The following SDSL variants were observed in gnomAD, a reference collection of about 807,000 sequenced individuals.
SDSL encodes the protein serine dehydratase-like.
Under a neutral mutation model 27.6 loss-of-function variants are expected in SDSL, and 26 were observed. The ratio of observed to expected loss-of-function variants is 0.94; its 90% CI spans 0.69 to 1.31. SDSL has a LOEUF of 1.31. Ranked by LOEUF, SDSL falls within the 50% of genes most tolerant of loss-of-function variation. SDSL has a pLI of 0.00. For missense variants in SDSL, 431 were observed against 423.5 expected (o/e 1.02, Z -0.16); for synonymous variants, 196 against 180.6 (o/e 1.09, Z -0.69).
Position 113,425,551 on chromosome 12 carries a change from C to T in SDSL, c.-21-2411C>T, listed in dbSNP as rs146449757. 318 of 412,120 alleles carry T rather than the reference C, an allele frequency of 7.7e-4. 4 individuals are homozygous for T. The East Asian group carries it at 0.019, about 24-fold the overall frequency. The allele number at this position is 412,120 out of a possible 1,614,324, so 25.5% of individuals were successfully genotyped here. A position where few individuals can be genotyped will look rare whatever the true frequency, so the allele number is the denominator to read the frequency against. ...CGGCCAATAATGGAATGGTGGGGACCGGCCCAGTGCTTTTCTGCCTGGGAC... is the reference window on the plus strand; with the variant it reads ...CGGCCAATAATGGAATGGTGGGGACTGGCCCAGTGCTTTTCTGCCTGGGAC... On this transcript the variant is annotated intron_variant, in intron 1 of 7. Coordinates refer to ENST00000403593, the MANE Select transcript of SDSL (RefSeq NM_001304993.2).
intron 4 of SDSL, among the ~76,000 whole-genome samples, chr12:113,433,452 CG>C (rs1565879598): frequency 6.6e-6 from 1 of 152,164 alleles, no homozygotes; most frequent in African/African-American, 2.4e-5. Context: ...CTCCCAAAAG[CG>C]GTCCCTGAAA....
At chr12:113,434,080 C>A in intron 4 of SDSL, 54 bp from the exon 5 acceptor site, 1 of 1,456,826 alleles carries the variant, frequency 6.9e-7, no homozygotes, top group Non-Finnish European at 9.5e-7. Context: ...TCTGCTCCGG[C>A]CTCCATAGCA....
chr12:113,422,931 C>G (rs1957808657), intron 1 of SDSL: 1 of 152,344 alleles, frequency 6.6e-6, no homozygotes, highest in African/African-American at 2.4e-5. Context: ...GTTGGCATGA[C>G]TGGGACCTGA....
At chr12:113,424,774 T>C (rs1175512478) in intron 1 of SDSL, among the ~76,000 whole-genome samples, 1 of 151,918 alleles carries the variant, frequency 6.6e-6, no homozygotes. Context: ...CTCACTCTGT[T>C]GCCCAGGCTG....
chr12:113,435,662 CCTTGG>C, intron 6 of SDSL, 106 bp downstream of exon 6: 1 of 925,432 alleles, frequency 1.1e-6, no homozygotes, highest in Admixed American at 2.4e-5. Flanking sequence ...AAAAGGCTGT[CCTTGG>C]TCCTGGGACT....
At chr12:113,424,287 G>T (rs1483427630) in intron 1 of SDSL, among the ~76,000 whole-genome samples, 1 of 152,188 alleles carries the variant, frequency 6.6e-6, no homozygotes, top group African/African-American at 2.4e-5. Flanking sequence ...CTCACAAAGT[G>T]CTGGGATTAC....
chr12:113,438,250 C>T lies in SDSL; in HGVS notation c.*171C>T. ...TGCTTCTTTTGGCTCTCCGACAACT[C>T]CGGCCAATAAACACTTTCTGAATTG... On this transcript the variant is annotated 3_prime_UTR_variant, in exon 8 of 8. Transcript: ENST00000403593. 1 of 532,592 alleles carries T rather than the reference C, an allele frequency of 1.9e-6. No homozygotes were observed. Among genetic ancestry groups the T allele is most frequent in the Non-Finnish European group, 3.3e-6 (1 of 304,314 alleles). The allele number at this position is 532,592 out of a possible 1,614,324, so 33.0% of individuals were successfully genotyped here. A position where few individuals can be genotyped will look rare whatever the true frequency, so the allele number is the denominator to read the frequency against.
chr12:113,432,261 T>TTTTTTTC (rs1957936776), intron 4 of SDSL, among the ~76,000 whole-genome samples: 1 of 142,268 alleles, frequency 7.0e-6, no homozygotes, highest in African/African-American at 2.7e-5. Flanking sequence ...TCTTTCTTTC[T>TTTTTTTC]TTCTTTCTTT....
intron 2 of SDSL, 34 bp from the exon 3 acceptor site, chr12:113,428,386 G>A (rs768786292): frequency 2.5e-6 from 4 of 1,601,892 alleles, no homozygotes; most frequent in Non-Finnish European, 3.4e-6. Flanking sequence ...CACCTGCTTG[G>A]GTTAGCCGCT....
chr12:113,424,365 C>T (rs955796172), intron 1 of SDSL, among the ~76,000 whole-genome samples: 4 of 152,174 alleles, frequency 2.6e-5, no homozygotes, highest in Admixed American at 2.0e-4. Flanking sequence ...GAGGTCTTTC[C>T]TGACCTCCAT....
At chr12:113,425,252 G>A (rs1035849298) in intron 1 of SDSL, among the ~76,000 whole-genome samples, 1 of 152,120 alleles carries the variant, frequency 6.6e-6, no homozygotes, top group African/African-American at 2.4e-5. Context: ...TGGGGTATGC[G>A]GCATTTGGGG....
chr12:113,430,075 T>A (rs144564206), intron 4 of SDSL, among the ~76,000 whole-genome samples: 4 of 148,086 alleles, frequency 2.7e-5, no homozygotes, highest in Non-Finnish European at 6.0e-5. Context: ...CATCTAACCA[T>A]CCTTCCACAC....
rs559974262 is a variant in SDSL at position 113,425,577 on chromosome 12, A to C, written c.-21-2385A>C. 9.1e-6 allele frequency: 4 copies of C among 441,938 alleles called. No individual in the cohort carries two copies. In the Admixed American group the frequency reaches 9.9e-5, roughly 11 times the overall value. The allele number at this position is 441,938 out of a possible 1,614,324, so 27.4% of individuals were successfully genotyped here. On this transcript the variant is annotated intron_variant, in intron 1 of 7. Coordinates refer to ENST00000403593, the MANE Select transcript of SDSL (RefSeq NM_001304993.2). Reference sequence around the variant, plus strand: ...GGCCCAGTGCTTTTCTGCCTGGGACAAGAGGAGCTGGCTGTATTTTTTCCT... The same window carrying C: ...GGCCCAGTGCTTTTCTGCCTGGGACCAGAGGAGCTGGCTGTATTTTTTCCT...
At chr12:113,435,620 T>G in intron 6 of SDSL, 64 bp downstream of exon 6, 1 of 1,380,568 alleles carries the variant, frequency 7.2e-7, no homozygotes. Flanking sequence ...CCTAGGGCCT[T>G]CCAGTCCCAG....
At chr12:113,437,810 C>T in intron 7 of SDSL, 76 bp from the exon 8 acceptor site, 1 of 1,327,350 alleles carries the variant, frequency 7.5e-7, no homozygotes. Context: ...CAAGGATCTG[C>T]CGTGCCCAGG....
chr12:113,423,947 G>A (rs1337177788), intron 1 of SDSL, among the ~76,000 whole-genome samples: 1 of 152,116 alleles, frequency 6.6e-6, no homozygotes, highest in Admixed American at 6.6e-5. Context: ...CCATGTACAC[G>A]CTCTTCTTGC....
intron 7 of SDSL, among the ~76,000 whole-genome samples, chr12:113,437,561 AGAG>A (rs1203935254): frequency 6.6e-6 from 1 of 152,176 alleles, no homozygotes; most frequent in African/African-American, 2.4e-5. Flanking sequence ...AATGATGGAT[AGAG>A]GAATGGATGG....
At chr12:113,432,268 CTTT>C (rs1957938753) in intron 4 of SDSL, among the ~76,000 whole-genome samples, 1 of 140,412 alleles carries the variant, frequency 7.1e-6, no homozygotes, top group African/African-American at 2.7e-5. Flanking sequence ...TTCTTTCTTT[CTTT>C]CTTTCTTTCT....
At chr12:113,437,824 T>G (rs1014012704) in intron 7 of SDSL, 62 bp from the exon 8 acceptor site, 3 of 1,451,870 alleles carry the variant, frequency 2.1e-6, no homozygotes, top group Admixed American at 2.2e-5. Context: ...GCCCAGGGCC[T>G]GCTGAGCACC....
Sources: allele counts gnomAD v4.1 joint callset (sites outside exome capture counted in the v4.1 genomes callset), GRCh38; gene constraint gnomAD v4.1.1; transcripts MANE v1.5; gene names NCBI Gene and HGNC (gene_info 2026-07-23, HGNC 2026-07-21).